The following TNRC18 variants were observed in gnomAD, a reference collection of about 807,000 sequenced individuals.
TNRC18 encodes trinucleotide repeat-containing gene 18 protein.
A neutral mutation model predicts 226.7 loss-of-function variants in TNRC18; 69 were observed. That is an observed-to-expected ratio of 0.30 (90% CI 0.25 to 0.37). The LOEUF is 0.37. Ranked by LOEUF, TNRC18 falls within the 10% of genes least tolerant of loss-of-function variation. TNRC18 has a pLI of 1.00. For synonymous variants in TNRC18, 2,449 were observed against 1,927.6 expected (o/e 1.27, Z -7.09); for missense variants, 4,754 against 4,256.6 (o/e 1.12, Z -3.25).
Position 5,332,910 on chromosome 7 carries a change from G to C in TNRC18, c.5859C>G (p.Pro1953=), listed in dbSNP as rs1422604041. Residue 1953 remains proline, a synonymous_variant, in exon 19 of 30, where the codon CCC becomes CCG. Coordinates refer to ENST00000430969, the MANE Select transcript of TNRC18 (RefSeq NM_001080495.3). The part of the protein sequence containing the change: ...LAAPTPGARG[P]DPSSPDKAKL... ...TGGCCTTGTCTGGGCTGCTGGGGTC[G>C]GGACCGCGGGCGCCAGGCGTGGGTG... The C allele has an allele frequency of 2.0e-6, 3 of 1,537,802 alleles. No individual in the cohort carries two copies. Among genetic ancestry groups the C allele is most frequent in the African/African-American group, 1.4e-5 (1 of 72,976 alleles).
At position 5,360,878 on chromosome 7, in the gene TNRC18, T is replaced by TCC. The variant is rs548107911; in HGVS notation, c.4661+714_4661+715dup. Among the ~76,000 whole-genome samples the TCC allele has an allele frequency of 1.3e-3, 197 of 151,736 alleles. 3 individuals carry two copies. Among genetic ancestry groups the TCC allele is most frequent in the African/African-American group, 4.5e-3 (184 of 41,308 alleles). On this transcript the variant is annotated intron_variant, in intron 14 of 29. Coordinates refer to ENST00000430969, the MANE Select transcript of TNRC18 (RefSeq NM_001080495.3). The stretch of plus-strand genomic sequence containing the variant: ...CTGCCTCTCCTGTGCCCTCCGAAGG[T>TCC]CCCCCCACGCTCCTTCTGCTTCCTC...
At chr7:5,354,957 CCTT>C (rs1391975768) in intron 16 of TNRC18, among the ~76,000 whole-genome samples, 1 of 152,212 alleles carries the variant, frequency 6.6e-6, no homozygotes, top group Non-Finnish European at 1.5e-5. Context: ...TCAAACTCCC[CCTT>C]CTCCGCCCAT....
At chr7:5,320,170 C>T (rs1788202777) in intron 24 of TNRC18, 148 bp downstream of exon 24, 1 of 641,512 alleles carries the variant, frequency 1.6e-6, no homozygotes, top group South Asian at 1.8e-5. Flanking sequence ...GTGCCTGGAT[C>T]CAATCATGCC....
Position 5,374,211 on chromosome 7 carries a change from C to A in TNRC18, c.3073G>T (p.Ala1025Ser). Residue 1025 changes from alanine to serine, a missense_variant, in exon 10 of 30, where the codon GCC becomes TCC. Ala to Ser is a moderately conservative substitution (Grantham distance 99). Coordinates refer to ENST00000430969, the MANE Select transcript of TNRC18 (RefSeq NM_001080495.3). ...VSKPPAYAYP[A>S]TPSSHPTSPP... is the part of the protein sequence containing the mutation. The stretch of plus-strand genomic sequence containing the variant: ...CTGGTGGGGTGGGAGCTGGGGGTGG[C>A]GGGGTAGGCGTAGGCGGGTGGCTTG... 1.2e-6 allele frequency: 1 copy of A among 841,668 alleles called. No individual in the cohort carries two copies. 52.1% of individuals were successfully genotyped at this position (841,668 alleles called of 1,614,324 possible).
chr7:5,399,324 C>G (rs1259452274), intron 2 of TNRC18, among the ~76,000 whole-genome samples: 3 of 152,226 alleles, frequency 2.0e-5, no homozygotes, highest in Non-Finnish European at 4.4e-5. Flanking sequence ...GAGCTCAAGA[C>G]CTGGCTCCCC....
chr7:5,367,089 G>C (rs914789108), intron 11 of TNRC18, among the ~76,000 whole-genome samples: 1 of 152,140 alleles, frequency 6.6e-6, no homozygotes, highest in Non-Finnish European at 1.5e-5. Context: ...TCTGGGCTGG[G>C]TGCAGTGACT....
chr7:5,334,263 G>C (rs548392282), intron 18 of TNRC18, among the ~76,000 whole-genome samples: 5 of 152,092 alleles, frequency 3.3e-5, no homozygotes, highest in South Asian at 4.2e-4. Flanking sequence ...GTGGGAAAAA[G>C]TCACCAGCAA....
chr7:5,356,840 A>T (rs1294473629), intron 16 of TNRC18, 76 bp downstream of exon 16: 1 of 1,395,366 alleles, frequency 7.2e-7, no homozygotes, highest in Non-Finnish European at 9.5e-7. Flanking sequence ...CGGGGGGGGA[A>T]GGAGGACGGT....
chr7:5,370,600 G>A lies in TNRC18; in HGVS notation c.3994C>T (p.Leu1332=). 2 of 1,613,356 alleles carry A rather than the reference G, an allele frequency of 1.2e-6. No homozygotes were observed. The highest frequency in any genetic ancestry group is 8.5e-7 in the Non-Finnish European group (1 of 1,179,758). Residue 1332 remains leucine, a synonymous_variant, in exon 11 of 30, where the codon CTG becomes TTG. Transcript: ENST00000430969. ...GCCAGTGGGTCCTCCAGACTGGGCA[G>A]GAACTGGTCAGAGCTTGCCTCTTCC... The part of the protein sequence containing the change: ...FLEEASSDQF[L]PSLEDPLAGM...
rs1340309244 is a variant in TNRC18 at position 5,313,563 on chromosome 7, G to A, written c.7328C>T (p.Ala2443Val). The A allele has an allele frequency of 1.2e-6, 2 of 1,605,890 alleles. No individual in the cohort carries two copies. The highest frequency in any genetic ancestry group is 1.7e-6 in the Non-Finnish European group (2 of 1,176,746). The change falls in exon 27 of 30, where the codon GCC becomes GTC. Residue 2443 changes from alanine to valine, a missense_variant. Coordinates refer to ENST00000430969, the MANE Select transcript of TNRC18 (RefSeq NM_001080495.3). ...TRPKPKKARAAEESGAKGPRR... is the reference protein window; with the variant it reads ...TRPKPKKARAVEESGAKGPRR... ...AGGGCCCTTGGCACCCGACTCCTCG[G>A]CTGCCCGCGCCTTCTTGGGCTTGGG...
intron 24 of TNRC18, among the ~76,000 whole-genome samples, chr7:5,319,241 A>G (rs1788113384): frequency 1.3e-5 from 2 of 152,076 alleles, no homozygotes; most frequent in African/African-American, 4.8e-5. Flanking sequence ...AGGCTGGACC[A>G]CTCATCTGTT....
In TNRC18 at chr7:5,332,744, C is replaced by T. The variant is rs1789671976; in HGVS notation, c.6025G>A (p.Ala2009Thr). ...GTGCTGACGGGCGCAGGTGCAGCAG[C>T]CGAGGCGTCGTGCAGGAAGATGCGC... The part of the protein sequence containing the change: ...SERIFLHDAS[A>T]AAPAPVSTAP... Residue 2009 changes from alanine (A) to threonine (T), a missense_variant, in exon 19 of 30, where the codon GCT (alanine) becomes ACT (threonine). Transcript: ENST00000430969. The T allele has an allele frequency of 6.6e-7, 1 of 1,521,748 alleles. No homozygotes were observed. Among genetic ancestry groups the T allele is most frequent in the African/African-American group, 1.4e-5 (1 of 70,752 alleles). 94.3% of individuals were successfully genotyped at this position (1,521,748 alleles called of 1,614,324 possible). A position where few individuals can be genotyped will look rare whatever the true frequency, so the allele number is the denominator to read the frequency against.
intron 21 of TNRC18, 39 bp from the exon 22 acceptor site, chr7:5,321,229 G>A: frequency 6.9e-7 from 1 of 1,442,148 alleles, no homozygotes; most frequent in South Asian, 1.2e-5. Flanking sequence ...TGGAGCCGGG[G>A]GCGTCTGCGA....
chr7:5,320,110 C>G (rs1332703075), intron 24 of TNRC18: 10 of 558,356 alleles, frequency 1.8e-5, no homozygotes, highest in Non-Finnish European at 2.9e-5. Flanking sequence ...CAGATGACAG[C>G]ACTGCTGACA....
chr7:5,359,350 G>T, intron 15 of TNRC18, 48 bp downstream of exon 15: 1 of 1,604,348 alleles, frequency 6.2e-7, no homozygotes, highest in Non-Finnish European at 8.5e-7. Flanking sequence ...ACACCCTCCA[G>T]ACACCTCCCT....
At chr7:5,384,764 T>C (rs1779638964) in intron 5 of TNRC18, among the ~76,000 whole-genome samples, 2 of 152,132 alleles carry the variant, frequency 1.3e-5, no homozygotes, top group African/African-American at 2.4e-5. Context: ...CAAGCGCTGT[T>C]GGCCCCTCCC....
intron 3 of TNRC18, among the ~76,000 whole-genome samples, chr7:5,391,099 C>T (rs565767139): frequency 2.3e-4 from 35 of 152,258 alleles, no homozygotes; most frequent in Admixed American, 2.0e-3. Flanking sequence ...TAACCTCAGC[C>T]TAACACAGGC....
rs1008222285 is a variant in TNRC18 at position 5,324,037 on chromosome 7, C to T, written c.6442+177G>A. 6.6e-6 allele frequency among the ~76,000 whole-genome samples: 1 copy of T among 152,216 alleles called. No individual in the cohort carries two copies. The highest frequency in any genetic ancestry group is 1.5e-5 in the Non-Finnish European group (1 of 68,040). ...CTTGCCTCATCTGCAGTTGACTAAG[C>T]TGCAGCCAGTCCAGCCTTCTCATCG... On this transcript the variant is annotated intron_variant, in intron 21 of 29. Transcript: ENST00000430969. The surrounding 1 kb of genome is among the most constrained non-coding windows in gnomAD (Gnocchi z 4.8).
chr7:5,314,437 G>C (rs1460690328), intron 26 of TNRC18, among the ~76,000 whole-genome samples: 1 of 152,120 alleles, frequency 6.6e-6, no homozygotes, highest in Non-Finnish European at 1.5e-5. Flanking sequence ...CTGGATTCTG[G>C]AAAGAAACAC....
Sources: gnomAD v4.1 joint callset for allele counts (sites outside exome capture counted in the v4.1 genomes callset) on GRCh38, gnomAD v4.1.1 for gene constraint, Gnocchi (gnomAD v3.1) non-coding constraint, MANE v1.5 for transcripts, NCBI Gene and HGNC (gene_info 2026-07-23, HGNC 2026-07-21) for gene names.